OXR1: variants seen among roughly 807,000 people sequenced by gnomAD.
The protein encoded by OXR1 is oxidation resistance protein 1.
Under a neutral mutation model 104.6 loss-of-function variants are expected in OXR1, and 41 were observed. The ratio of observed to expected loss-of-function variants is 0.39; its 90% confidence interval spans 0.31 to 0.51. The LOEUF (loss-of-function observed/expected upper bound fraction) is 0.51, where lower values mean the gene tolerates loss of function less well. Among genes scored for constraint, OXR1 ranks in the 20% least tolerant of loss-of-function variants. The pLI is 0.77. For synonymous variants in OXR1, 348 were observed against 348.4 expected (o/e 1.00, Z 0.01); for missense variants, 955 against 1,031.9 (o/e 0.93, Z 1.02).
intron 1 of OXR1, among the ~76,000 whole-genome samples, chr8:106,298,958 A>G (rs1813118661): frequency 6.6e-6 from 1 of 151,754 alleles, no homozygotes; most frequent in African/African-American, 2.4e-5. Flanking sequence ...TGTATTTTGT[A>G]TGTATGTGTG....
intron 3 of OXR1, among the ~76,000 whole-genome samples, chr8:106,570,170 T>C (rs575183659): frequency 3.0e-4 from 46 of 152,310 alleles, no homozygotes; most frequent in African/African-American, 1.1e-3. Context: ...TCTCTGACTT[T>C]GACATTCAGA....
rs557348388 is a variant in OXR1 at position 106,399,825 on chromosome 8, C to G, written c.23+40189C>G. ...TGGTAAAGTCAGGTTTGAACTCAGACAGTCTGATTCCAGATTGCAAGCTTC... is the reference window on the plus strand; with the variant it reads ...TGGTAAAGTCAGGTTTGAACTCAGAGAGTCTGATTCCAGATTGCAAGCTTC... On this transcript the variant is annotated intron_variant, in intron 2 of 16. Coordinates refer to ENST00000517566, the MANE Select transcript of OXR1 (RefSeq NM_001198533.2). 1.6e-4 allele frequency among the ~76,000 whole-genome samples: 25 copies of G among 152,272 alleles called. No individual in the cohort carries two copies. In the South Asian group the frequency reaches 5.2e-3, roughly 32 times the overall value.
chr8:106,712,005 C>T (rs761568081), intron 10 of OXR1, among the ~76,000 whole-genome samples: 1 of 151,998 alleles, frequency 6.6e-6, no homozygotes, highest in Non-Finnish European at 1.5e-5. Flanking sequence ...TAGACCTTTC[C>T]TATATCCATT....
chr8:106,658,331 G>A (rs938830371), intron 3 of OXR1: 6 of 943,874 alleles, frequency 6.4e-6, no homozygotes, highest in African/African-American at 1.7e-5. Flanking sequence ...CGGGGTGGCG[G>A]CCGCCGGGGG....
intron 2 of OXR1, among the ~76,000 whole-genome samples, chr8:106,420,172 C>T (rs957017306): frequency 1.4e-4 from 21 of 152,048 alleles, no homozygotes; most frequent in Admixed American, 1.1e-3. Context: ...GCAAAGCTGA[C>T]GGTTTTAAAT....
At chr8:106,305,844 A>G (rs1813443447) in intron 1 of OXR1, among the ~76,000 whole-genome samples, 1 of 152,110 alleles carries the variant, frequency 6.6e-6, no homozygotes, top group Non-Finnish European at 1.5e-5. Flanking sequence ...GAGGATAGAG[A>G]GCATTTTATT....
At chr8:106,739,200 T>C (rs542813018) in intron 12 of OXR1, among the ~76,000 whole-genome samples, 34 of 152,126 alleles carry the variant, frequency 2.2e-4, no homozygotes, top group African/African-American at 6.5e-4. Context: ...CACAGAAATA[T>C]GGGGATTTAT....
intron 3 of OXR1, among the ~76,000 whole-genome samples, chr8:106,577,570 T>C (rs1586837858): frequency 6.6e-6 from 1 of 151,906 alleles, no homozygotes; most frequent in East Asian, 1.9e-4. Context: ...TTTGTATTTT[T>C]AGTAGAGACA....
intron 2 of OXR1, among the ~76,000 whole-genome samples, chr8:106,396,585 T>A (rs182870222): frequency 2.6e-5 from 4 of 152,180 alleles, no homozygotes; most frequent in Non-Finnish European, 5.9e-5. Context: ...TAAGGGGACA[T>A]GACAACTAAA....
chr8:106,355,154 T>C (rs2130320740), intron 1 of OXR1, among the ~76,000 whole-genome samples: 1 of 152,246 alleles, frequency 6.6e-6, no homozygotes, highest in Non-Finnish European at 1.5e-5. Flanking sequence ...AATCACTCCA[T>C]ATATTTTAAA....
At chr8:106,576,206 T>C (rs1817821334) in intron 3 of OXR1, among the ~76,000 whole-genome samples, 1 of 151,924 alleles carries the variant, frequency 6.6e-6, no homozygotes. Flanking sequence ...ACTTTGCAGA[T>C]AGAATTTAAT....
At chr8:106,646,586 AGAAGGTACAGCAATATGT>A (rs1437746194) in intron 3 of OXR1, among the ~76,000 whole-genome samples, 1 of 152,206 alleles carries the variant, frequency 6.6e-6, no homozygotes, top group Non-Finnish European at 1.5e-5. Flanking sequence ...AAGTAACATG[AGAAGGTACAGCAATATGT>A]GAAGACCCAT....
chr8:106,643,206 A>C (rs1823803966), intron 3 of OXR1, among the ~76,000 whole-genome samples: 1 of 152,196 alleles, frequency 6.6e-6, no homozygotes, highest in African/African-American at 2.4e-5. Flanking sequence ...AGGGCCAGGG[A>C]GCAAATATTT....
chr8:106,452,513 A>G (rs1204155516), intron 2 of OXR1, among the ~76,000 whole-genome samples: 2 of 152,194 alleles, frequency 1.3e-5, no homozygotes, highest in African/African-American at 2.4e-5. Context: ...CACCACCAAC[A>G]ACATTCTGTA....
intron 1 of OXR1, among the ~76,000 whole-genome samples, chr8:106,289,308 A>T (rs1266278145): frequency 6.6e-6 from 1 of 152,236 alleles, no homozygotes. Context: ...AAGCTATTTT[A>T]ATAAGTTTTC....
chr8:106,707,393 T>C, intron 9 of OXR1: 4 of 604,456 alleles, frequency 6.6e-6, no homozygotes, highest in Non-Finnish European at 1.2e-5. Flanking sequence ...CTTGGCTCAC[T>C]ACATCGTATC....
chr8:106,508,790 T>G (rs1017783071), intron 2 of OXR1, among the ~76,000 whole-genome samples: 1 of 152,218 alleles, frequency 6.6e-6, no homozygotes, highest in African/African-American at 2.4e-5. Flanking sequence ...CTGTCTTTTG[T>G]GTCTTCTTTT....
intron 2 of OXR1, among the ~76,000 whole-genome samples, chr8:106,380,769 C>T (rs1817112877): frequency 6.6e-6 from 1 of 151,972 alleles, no homozygotes; most frequent in Non-Finnish European, 1.5e-5. Flanking sequence ...TGAAGAAATG[C>T]TATTCATATT....
At chr8:106,528,254 G>C (rs549708946) in intron 3 of OXR1, among the ~76,000 whole-genome samples, 2 of 152,158 alleles carry the variant, frequency 1.3e-5, no homozygotes, top group Non-Finnish European at 2.9e-5. Flanking sequence ...GTTTAAGTCT[G>C]TTCTTTTAAA....
Sources: gnomAD v4.1 joint callset for allele counts (sites outside exome capture counted in the v4.1 genomes callset) on GRCh38, gnomAD v4.1.1 for gene constraint, MANE v1.5 for transcripts, NCBI Gene and HGNC (gene_info 2026-07-23, HGNC 2026-07-21) for gene names.